The following CFAP77 variants were observed in gnomAD, a reference collection of about 807,000 sequenced individuals.
CFAP77 encodes the protein cilia- and flagella-associated protein 77.
In CFAP77, 25 loss-of-function variants were observed where a neutral mutation model predicts 31.1. The ratio of observed to expected loss-of-function variants is 0.80; its 90% CI spans 0.59 to 1.12. The LOEUF is 1.12. CFAP77 is among the 50% of genes most tolerant of loss of function. The pLI is 0.00. For missense variants in CFAP77, 377 were observed against 397.3 expected (o/e 0.95, Z 0.44); for synonymous variants, 151 against 159.9 (o/e 0.94, Z 0.42).
intron 3 of CFAP77, among the ~76,000 whole-genome samples, chr9:132,535,572 G>T (rs1198513447): frequency 6.6e-6 from 1 of 152,168 alleles, no homozygotes; most frequent in Non-Finnish European, 1.5e-5. Flanking sequence ...AATTAGCTGG[G>T]TGTGGTGGCT....
intron 3 of CFAP77, among the ~76,000 whole-genome samples, chr9:132,531,012 A>G (rs10118485): frequency 0.095 from 14,450 of 152,246 alleles, 755 homozygotes; most frequent in South Asian, 0.13. Context: ...TGTCCAAGAT[A>G]TCCAAGGCTC....
intron 1 of CFAP77, among the ~76,000 whole-genome samples, chr9:132,496,495 T>C (rs780787795): frequency 5.9e-5 from 9 of 152,208 alleles, no homozygotes; most frequent in Non-Finnish European, 1.3e-4. Flanking sequence ...GCTACAATCA[T>C]TCCATCCGAC....
rs1367909356 is a variant in CFAP77, at chr9:132,424,224, G to T, written c.195+13758G>T. ...AGATGGAGACCATCCTGGCTAACACGGTGAAATCTGTCTCCTAAAATTACA... is the reference window on the plus strand; with the variant it reads ...AGATGGAGACCATCCTGGCTAACACTGTGAAATCTGTCTCCTAAAATTACA... On this transcript the variant is annotated intron_variant, in intron 1 of 5. Coordinates refer to ENST00000393216, the MANE Select transcript of CFAP77 (RefSeq NM_001282957.2). The surrounding 1 kb of genome is among the most constrained non-coding windows in gnomAD (Gnocchi z 4.1). 6.6e-6 allele frequency among the ~76,000 whole-genome samples: 1 copy of T among 152,114 alleles called. No homozygotes were observed. The highest frequency in any genetic ancestry group is 1.5e-5 in the Non-Finnish European group (1 of 68,028).
chr9:132,510,271 C>T (rs1852012487), intron 3 of CFAP77, among the ~76,000 whole-genome samples: 5 of 152,220 alleles, frequency 3.3e-5, no homozygotes, highest in African/African-American at 9.6e-5. Context: ...TTGATTTTTC[C>T]AGAGCTGGGC....
rs999231884 is a variant in CFAP77 at position 132,517,013 on chromosome 9, C to T, written c.524+17413C>T. Among the ~76,000 whole-genome samples, 3 of 152,214 alleles carry T rather than the reference C, an allele frequency of 2.0e-5. No homozygotes were observed. Among genetic ancestry groups the T allele is most frequent in the African/African-American group, 7.2e-5 (3 of 41,462 alleles). On this transcript the variant is annotated intron_variant, in intron 3 of 5. Transcript: ENST00000393216. The surrounding 1 kb of genome is among the most constrained non-coding windows in gnomAD (Gnocchi z 4.7). ...GGAGACACCCCAGCCCTGCAGCACGCAGCTCGGGGCTGTGTGAGAACACGA... is the reference window on the plus strand; with the variant it reads ...GGAGACACCCCAGCCCTGCAGCACGTAGCTCGGGGCTGTGTGAGAACACGA...
intron 1 of CFAP77, among the ~76,000 whole-genome samples, chr9:132,475,021 G>A (rs766316614): frequency 1.3e-5 from 2 of 152,220 alleles, no homozygotes; most frequent in African/African-American, 2.4e-5. Flanking sequence ...AAGAGGCTCA[G>A]TCCTTCTGAG....
intron 1 of CFAP77, among the ~76,000 whole-genome samples, chr9:132,483,958 A>G (rs1440610033): frequency 1.4e-5 from 2 of 138,504 alleles, no homozygotes. Context: ...TTTTTTTGAG[A>G]CACATTCTCA....
At chr9:132,570,981 G>A (rs1219323942) in intron 5 of CFAP77, among the ~76,000 whole-genome samples, 1 of 151,892 alleles carries the variant, frequency 6.6e-6, no homozygotes, top group Non-Finnish European at 1.5e-5. Context: ...GTGGCCCCGA[G>A]CACAGAGACT....
Position 132,554,258 on chromosome 9 carries a change from G to T in CFAP77, c.732+11211G>T, listed in dbSNP as rs1375716559. Reference sequence around the variant, plus strand: ...CGTTTGGCTTCATGTGGCAGAAATTGAGCAAGGGTTAGAATCTGTTTAAAC... The same window carrying T: ...CGTTTGGCTTCATGTGGCAGAAATTTAGCAAGGGTTAGAATCTGTTTAAAC... On this transcript the variant is annotated intron_variant, in intron 5 of 5. Transcript: ENST00000393216. The surrounding 1 kb of genome is among the most constrained non-coding windows in gnomAD (Gnocchi z 4.1). 6.6e-6 allele frequency among the ~76,000 whole-genome samples: 1 copy of T among 152,218 alleles called. No individual in the cohort carries two copies. Among genetic ancestry groups the T allele is most frequent in the African/African-American group, 2.4e-5 (1 of 41,448 alleles).
intron 1 of CFAP77, among the ~76,000 whole-genome samples, chr9:132,473,287 A>G (rs187090000): frequency 6.6e-6 from 1 of 152,318 alleles, no homozygotes; most frequent in East Asian, 1.9e-4. Context: ...GCAACCATCC[A>G]AACTATAGCA....
At chr9:132,523,272 AG>A (rs1852301551) in intron 3 of CFAP77, among the ~76,000 whole-genome samples, 2 of 152,092 alleles carry the variant, frequency 1.3e-5, no homozygotes, top group East Asian at 3.9e-4. Context: ...ATTTTTTAGT[AG>A]AGACAGGGTT....
chr9:132,494,626 A>G (rs1248024850), intron 1 of CFAP77, among the ~76,000 whole-genome samples: 1 of 152,020 alleles, frequency 6.6e-6, no homozygotes. Context: ...GTTATCGGAC[A>G]GGCATATATT....
rs139046706 is a variant in CFAP77 at position 132,425,199 on chromosome 9, G to A, written c.195+14733G>A. On this transcript the variant is annotated intron_variant, in intron 1 of 5. Coordinates refer to ENST00000393216, the MANE Select transcript of CFAP77 (RefSeq NM_001282957.2). ...GGGCTATTGAATTGCACATTCTTGCGTCGCCCCCGTCAATACTCAGCGGCC... is the reference window on the plus strand; with the variant it reads ...GGGCTATTGAATTGCACATTCTTGCATCGCCCCCGTCAATACTCAGCGGCC... Among the ~76,000 whole-genome samples the A allele has an allele frequency of 3.8e-4, 58 of 152,134 alleles. No individual in the cohort carries two copies. The East Asian group carries it at 0.01, about 27-fold the overall frequency.
At chr9:132,479,696 G>A (rs922524435) in intron 1 of CFAP77, among the ~76,000 whole-genome samples, 6 of 152,182 alleles carry the variant, frequency 3.9e-5, no homozygotes, top group African/African-American at 7.2e-5. Flanking sequence ...CAGGTGGGCC[G>A]AGCTGGCCAC....
chr9:132,438,537 A>ATTTTTTT (rs1181262639), intron 1 of CFAP77, among the ~76,000 whole-genome samples: 5 of 116,168 alleles, frequency 4.3e-5, no homozygotes, highest in African/African-American at 8.1e-5. Context: ...ATATATATAT[A>ATTTTTTT]TATATTTTTT....
intron 1 of CFAP77, among the ~76,000 whole-genome samples, chr9:132,420,576 G>T (rs1850196847): frequency 6.6e-6 from 1 of 151,556 alleles, no homozygotes; most frequent in Non-Finnish European, 1.5e-5. Context: ...CAGGAGAATT[G>T]CTTGAACCCA....
chr9:132,414,377 G>A (rs1850060739), intron 1 of CFAP77, among the ~76,000 whole-genome samples: 1 of 152,178 alleles, frequency 6.6e-6, no homozygotes, highest in Admixed American at 6.5e-5. Context: ...TTACTATTTA[G>A]CTGGGGAGAT....
chr9:132,484,277 AT>A (rs1214222986), intron 1 of CFAP77, among the ~76,000 whole-genome samples: 1 of 152,108 alleles, frequency 6.6e-6, no homozygotes, highest in African/African-American at 2.4e-5. Flanking sequence ...AAAATCAACC[AT>A]CAGCCATTTT....
In CFAP77 at chr9:132,539,843, C is replaced by T. The variant is rs920534360; in HGVS notation, c.630+2137C>T. Among the ~76,000 whole-genome samples, 1 of 152,174 alleles carries T rather than the reference C, an allele frequency of 6.6e-6. No homozygotes were observed. Among genetic ancestry groups the T allele is most frequent in the Non-Finnish European group, 1.5e-5 (1 of 68,038 alleles). ...AGAGTCCACTTGCTGTGGTGATGGC[C>T]GATTTCAGAGGGAGCATTACCAGCA... On this transcript the variant is annotated intron_variant, in intron 4 of 5. Transcript: ENST00000393216. The surrounding 1 kb of genome is among the most constrained non-coding windows in gnomAD (Gnocchi z 4.3).
Sources: gnomAD v4.1 joint callset for allele counts (sites outside exome capture counted in the v4.1 genomes callset) on GRCh38, gnomAD v4.1.1 for gene constraint, Gnocchi (gnomAD v3.1) non-coding constraint, MANE v1.5 for transcripts, NCBI Gene and HGNC (gene_info 2026-07-23, HGNC 2026-07-21) for gene names.